GABRB3: variants seen among roughly 807,000 people sequenced by gnomAD.
GABRB3 encodes gamma-aminobutyric acid receptor subunit beta-3.
GABRB3 carries 14 observed loss-of-function variants against 52.1 expected under a neutral mutation model. That is an observed-to-expected ratio of 0.27 (90% confidence interval 0.18 to 0.42). GABRB3 has a LOEUF of 0.42. Ranked by LOEUF, GABRB3 falls within the 10% of genes least tolerant of loss-of-function variation. The probability of loss-of-function intolerance (pLI) is 1.00; values close to 1 mark genes in which losing one functional copy is unlikely to be tolerated. For synonymous variants in GABRB3, 260 were observed against 232.3 expected (o/e 1.12, Z -1.08); for missense variants, 307 against 609.1 (o/e 0.50, Z 5.22).
chr15:26,589,337 C>T (rs1428797316), intron 4 of GABRB3, among the ~76,000 whole-genome samples: 1 of 152,198 alleles, frequency 6.6e-6, no homozygotes, highest in Non-Finnish European at 1.5e-5. Flanking sequence ...TACCTGTTGA[C>T]TTAGGTATAA....
chr15:26,681,985 A>G (rs1454734639), intron 3 of GABRB3, among the ~76,000 whole-genome samples: 3 of 152,170 alleles, frequency 2.0e-5, no homozygotes, highest in Non-Finnish European at 1.5e-5. Context: ...TCACAAAATT[A>G]TCACAGCATT....
At chr15:26,658,920 T>C (rs1227254942) in intron 3 of GABRB3, among the ~76,000 whole-genome samples, 1 of 152,214 alleles carries the variant, frequency 6.6e-6, no homozygotes. Flanking sequence ...TGATAGGTCA[T>C]AGGTGAGAAT....
intron 3 of GABRB3, among the ~76,000 whole-genome samples, chr15:26,623,750 ATTAT>A (rs979925458): frequency 1.3e-5 from 2 of 152,050 alleles, no homozygotes; most frequent in Non-Finnish European, 2.9e-5. Context: ...AGGGCCTGAA[ATTAT>A]TTAAACCAGC....
intron 7 of GABRB3, among the ~76,000 whole-genome samples, chr15:26,566,194 A>C (rs1181024547): frequency 6.6e-6 from 1 of 152,104 alleles, no homozygotes; most frequent in Non-Finnish European, 1.5e-5. Flanking sequence ...TTAAAACAGC[A>C]CTTTCAGTTT....
chr15:26,704,648 A>G (rs998807195), intron 3 of GABRB3, among the ~76,000 whole-genome samples: 1 of 152,204 alleles, frequency 6.6e-6, no homozygotes, highest in Non-Finnish European at 1.5e-5. Flanking sequence ...GATCCTGAAC[A>G]CCTTGCTGCT....
intron 3 of GABRB3, among the ~76,000 whole-genome samples, chr15:26,726,143 TTG>T (rs2140145296): frequency 6.6e-6 from 1 of 152,232 alleles, no homozygotes; most frequent in Non-Finnish European, 1.5e-5. Context: ...GAACTGTACA[TTG>T]TGTGCCTGCA....
In GABRB3 at chr15:26,547,322, T is replaced by A; in HGVS notation, c.*471A>T. 2.5e-6 allele frequency: 1 copy of A among 404,894 alleles called. No homozygotes were observed. The highest frequency in any genetic ancestry group is 4.4e-6 in the Non-Finnish European group (1 of 229,604). The allele number at this position is 404,894 out of a possible 1,614,324, so 25.1% of individuals were successfully genotyped here. On this transcript the variant is annotated 3_prime_UTR_variant, in exon 9 of 9. Transcript: ENST00000311550. ...TAAACTAGCAATACCACTGTATGAG[T>A]TTTCAAAGATTAACTAAGAATGTCT...
intron 3 of GABRB3, among the ~76,000 whole-genome samples, chr15:26,628,699 A>G (rs866966014): frequency 1.5e-5 from 2 of 131,754 alleles, no homozygotes; most frequent in African/African-American, 5.1e-5. Context: ...ACAAAAAAAC[A>G]AAACAAAACA....
intron 4 of GABRB3, among the ~76,000 whole-genome samples, chr15:26,585,751 T>C (rs1343725221): frequency 1.3e-5 from 2 of 152,222 alleles, no homozygotes; most frequent in Non-Finnish European, 2.9e-5. Flanking sequence ...CATTACATTC[T>C]GTGATCCCAA....
chr15:26,662,410 C>CACGACTCCCTCACTGGATT (rs1228134246), intron 3 of GABRB3, among the ~76,000 whole-genome samples: 3 of 152,126 alleles, frequency 2.0e-5, no homozygotes, highest in Non-Finnish European at 4.4e-5. Flanking sequence ...CACATCCAAC[C>CACGACTCCCTCACTGGATT]ACGACTCCCT....
In GABRB3 at chr15:26,688,298, C is replaced by T. The variant is rs377534448; in HGVS notation, c.241-66764G>A. 3.3e-5 allele frequency among the ~76,000 whole-genome samples: 5 copies of T among 152,146 alleles called. No homozygotes were observed. The South Asian group carries it at 6.2e-4, about 19-fold the overall frequency. On this transcript the variant is annotated intron_variant, in intron 3 of 8. Transcript: ENST00000311550. Reference sequence around the variant, plus strand: ...GGATGAGCAAATGCCAGCCGTGTGCCCTGGAATTACCAGAGGGTGCCCACT... The same window carrying T: ...GGATGAGCAAATGCCAGCCGTGTGCTCTGGAATTACCAGAGGGTGCCCACT...
rs896050333 is a variant in GABRB3 at position 26,544,916 on chromosome 15, G to A, written c.*2877C>T. On this transcript the variant is annotated 3_prime_UTR_variant, in exon 9 of 9. Coordinates refer to ENST00000311550, the MANE Select transcript of GABRB3 (RefSeq NM_000814.6). Reference sequence around the variant, plus strand: ...CACCTCCCAACAACGTCAGAGGTCCGGGTTCAGAATTCCTCAACGCGACTC... The same window carrying A: ...CACCTCCCAACAACGTCAGAGGTCCAGGTTCAGAATTCCTCAACGCGACTC... The A allele has an allele frequency of 1.3e-5, 2 of 152,538 alleles. No homozygotes were observed. Among genetic ancestry groups the A allele is most frequent in the African/African-American group, 4.8e-5 (2 of 41,408 alleles). 9.4% of individuals were successfully genotyped at this position (152,538 alleles called of 1,614,324 possible).
At chr15:26,554,174 A>ATAAAG (rs1889641513) in intron 8 of GABRB3, among the ~76,000 whole-genome samples, 3 of 27,584 alleles carry the variant, frequency 1.1e-4, no homozygotes, top group Non-Finnish European at 2.1e-4. Context: ...TATATATATA[A>ATAAAG]AGTATATATA....
At chr15:26,698,710 G>T (rs1888828603) in intron 3 of GABRB3, among the ~76,000 whole-genome samples, 1 of 152,110 alleles carries the variant, frequency 6.6e-6, no homozygotes, top group Non-Finnish European at 1.5e-5. Flanking sequence ...CCTCTTTTGG[G>T]CTCATTATTG....
At chr15:26,603,334 GAAC>G (rs1555370265) in intron 4 of GABRB3, among the ~76,000 whole-genome samples, 5 of 151,896 alleles carry the variant, frequency 3.3e-5, no homozygotes, top group Non-Finnish European at 2.9e-5. Flanking sequence ...AATGTTGAAA[GAAC>G]AACTAATGTA....
At chr15:26,668,392 A>G (rs184354376) in intron 3 of GABRB3, among the ~76,000 whole-genome samples, 9 of 152,358 alleles carry the variant, frequency 5.9e-5, no homozygotes, top group African/African-American at 2.4e-5. Context: ...TATCATTTGT[A>G]TAAGCTCTTA....
intron 3 of GABRB3, among the ~76,000 whole-genome samples, chr15:26,709,021 A>G (rs1595543020): frequency 1.3e-5 from 2 of 152,232 alleles, no homozygotes; most frequent in African/African-American, 4.8e-5. Context: ...CTTTTCTACT[A>G]AAAGATCATA....
intron 3 of GABRB3, among the ~76,000 whole-genome samples, chr15:26,697,412 C>G (rs1352589967): frequency 1.3e-5 from 2 of 152,164 alleles, no homozygotes; most frequent in Non-Finnish European, 1.5e-5. Flanking sequence ...TCAGCACAAT[C>G]TGTTCAATGA....
At chr15:26,711,654 G>A (rs1289273844) in intron 3 of GABRB3, among the ~76,000 whole-genome samples, 1 of 152,140 alleles carries the variant, frequency 6.6e-6, no homozygotes, top group African/African-American at 2.4e-5. Flanking sequence ...ACACGTCAGA[G>A]TAAGCCCGAA....
Sources: allele counts gnomAD v4.1 joint callset (sites outside exome capture counted in the v4.1 genomes callset), GRCh38; gene constraint gnomAD v4.1.1; transcripts MANE v1.5; gene names NCBI Gene and HGNC (gene_info 2026-07-23, HGNC 2026-07-21).